PM20D2: variants seen among roughly 807,000 people sequenced by gnomAD.
PM20D2 encodes peptidase M20 domain containing 2.
Under a neutral mutation model 42.9 loss-of-function variants are expected in PM20D2, and 33 were observed. The observed-to-expected ratio is 0.77, with a 90% confidence interval of 0.58 to 1.03. The LOEUF is 1.03. PM20D2 is among the 50% of genes least tolerant of loss of function. PM20D2 has a pLI of 0.00. For synonymous variants in PM20D2, 250 were observed against 228.2 expected (o/e 1.10, Z -0.86); for missense variants, 548 against 557.0 (o/e 0.98, Z 0.16).
intron 5 of PM20D2, among the ~76,000 whole-genome samples, chr6:89,159,809 C>T (rs1476283481): frequency 6.6e-6 from 1 of 152,124 alleles, no homozygotes; most frequent in Non-Finnish European, 1.5e-5. Context: ...CCAGGGACAT[C>T]AGAGTTTCAT....
chr6:89,110,009 T>C, the PM20D2 span, among the ~76,000 whole-genome samples: 2 of 151,988 alleles, frequency 1.3e-5, no homozygotes, highest in African/African-American at 4.8e-5. Context: ...GAGAATGGTG[T>C]GAACCCAGGA....
At chr6:89,121,754 A>G in the PM20D2 span, among the ~76,000 whole-genome samples, 1 of 152,202 alleles carries the variant, frequency 6.6e-6, no homozygotes, top group Non-Finnish European at 1.5e-5. Context: ...TTTTTACATG[A>G]GAGTTTCATA....
chr6:89,105,673 G>GA, the PM20D2 span: 38 of 534,926 alleles, frequency 7.1e-5, no homozygotes, highest in Middle Eastern at 3.8e-4. Context: ...TGAATAATCA[G>GA]AAAAAAAACT....
At chr6:89,134,847 A>T in the PM20D2 span, among the ~76,000 whole-genome samples, 12 of 151,406 alleles carry the variant, frequency 7.9e-5, no homozygotes, top group African/African-American at 2.7e-4. Context: ...GTAATTAGGC[A>T]AAGGGATGGT....
the PM20D2 span, among the ~76,000 whole-genome samples, chr6:89,103,793 T>G: frequency 8.5e-5 from 13 of 152,282 alleles, no homozygotes; most frequent in African/African-American, 3.1e-4. Context: ...TTCACTATTA[T>G]TCTAATAGAA....
In PM20D2 at chr6:89,162,375, C is replaced by A; in HGVS notation, c.*112C>A. 8.9e-7 allele frequency: 1 copy of A among 1,121,200 alleles called. No homozygotes were observed. Among genetic ancestry groups the A allele is most frequent in the Non-Finnish European group, 1.2e-6 (1 of 805,182 alleles). 69.5% of individuals were successfully genotyped at this position (1,121,200 alleles called of 1,614,324 possible). ...TCTTAAAGGAGTAAAATTCTTTTTA[C>A]CTGATAAGTGAGGACAGGGTGTGGA... On this transcript the variant is annotated 3_prime_UTR_variant, in exon 7 of 7. Transcript: ENST00000275072.
the PM20D2 span, among the ~76,000 whole-genome samples, chr6:89,114,154 G>A: frequency 3.9e-5 from 6 of 152,190 alleles, no homozygotes; most frequent in Non-Finnish European, 7.3e-5. Context: ...ACGGCCAGGC[G>A]CAGTGGCTCA....
At chr6:89,142,648 AC>A (rs1450790257), upstream of PM20D2, among the ~76,000 whole-genome samples, 1 of 151,874 alleles carries the variant, frequency 6.6e-6, no homozygotes, top group African/African-American at 2.4e-5. Context: ...CCTTTCCCCC[AC>A]AATTATTATT....
the PM20D2 span, chr6:89,117,731 C>G: frequency 2.3e-6 from 3 of 1,313,374 alleles, no homozygotes; most frequent in Non-Finnish European, 3.0e-6. Context: ...CGCAGCTCCC[C>G]CGAGCCTCCG....
chr6:89,097,032 A>C, the PM20D2 span: 1 of 152,214 alleles, frequency 6.6e-6, no homozygotes, highest in East Asian at 1.9e-4. Flanking sequence ...AATATACATT[A>C]ATTTATGGCA....
Position 89,163,765 on chromosome 6 carries a change from G to A in PM20D2, c.*1502G>A, listed in dbSNP as rs1771323480. The A allele has an allele frequency of 6.6e-6, 1 of 152,096 alleles. No homozygotes were observed. The highest frequency in any genetic ancestry group is 1.5e-5 in the Non-Finnish European group (1 of 68,016). 9.4% of individuals were successfully genotyped at this position (152,096 alleles called of 1,614,324 possible). Reference sequence around the variant, plus strand: ...AGGTGGACCTGCTTGAGGTATCTTTGTTTTTATGGAACATTTTTATTACAT... The same window carrying A: ...AGGTGGACCTGCTTGAGGTATCTTTATTTTTATGGAACATTTTTATTACAT... On this transcript the variant is annotated 3_prime_UTR_variant, in exon 7 of 7. Coordinates refer to ENST00000275072, the MANE Select transcript of PM20D2 (RefSeq NM_001010853.3).
upstream of PM20D2, among the ~76,000 whole-genome samples, chr6:89,145,755 GGTCT>G (rs1770509205): frequency 6.6e-6 from 1 of 152,154 alleles, no homozygotes; most frequent in Non-Finnish European, 1.5e-5. Context: ...TGTTCCACTT[GGTCT>G]GTCTCTGATG....
intron 5 of PM20D2, among the ~76,000 whole-genome samples, chr6:89,161,124 T>C (rs535993960): frequency 2.0e-5 from 3 of 152,278 alleles, no homozygotes; most frequent in East Asian, 1.9e-4. Flanking sequence ...GATTCTGAGA[T>C]ATTTGGCAGG....
rs576650954 is a variant in PM20D2 at position 89,161,785 on chromosome 6, T to G, written c.1051T>G (p.Ser351Ala). 1 of 1,600,454 alleles carries G rather than the reference T, an allele frequency of 6.2e-7. No homozygotes were observed. Among genetic ancestry groups the G allele is most frequent in the African/African-American group, 1.3e-5 (1 of 74,752 alleles). ...TTCTTAACTTTGTGTGTTCCAAGGA[T>G]CTACGGATTTTGGAAATGTTAGTTT... ...EDTMLNGPSG[S>A]TDFGNVSFVV... is the part of the protein sequence containing the mutation. Residue 351 changes from serine to alanine, a missense_variant and splice_region_variant, in exon 6 of 7, where the codon TCT becomes GCT. By Grantham distance (99) the Ser-to-Ala change is moderately conservative. Coordinates refer to ENST00000275072, the MANE Select transcript of PM20D2 (RefSeq NM_001010853.3).
chr6:89,117,724 AGCTCCCCCGAGC>A, the PM20D2 span: 2 of 1,218,908 alleles, frequency 1.6e-6, no homozygotes, highest in South Asian at 3.7e-5. Flanking sequence ...GGCTCCGCGC[AGCTCCCCCGAGC>A]CTCCGCCGGG....
At chr6:89,124,355 A>G in the PM20D2 span, among the ~76,000 whole-genome samples, 45 of 152,252 alleles carry the variant, frequency 3.0e-4, 3 homozygotes, top group Non-Finnish European at 5.9e-5. Context: ...ATAAAACTAA[A>G]TAGTACCACC....
chr6:89,094,752 T>C, the PM20D2 span, among the ~76,000 whole-genome samples: 1 of 151,250 alleles, frequency 6.6e-6, no homozygotes, highest in African/African-American at 2.4e-5. Context: ...TTTGAATGCC[T>C]GTCAGGTACT....
At chr6:89,133,997 C>T in the PM20D2 span, among the ~76,000 whole-genome samples, 1 of 151,340 alleles carries the variant, frequency 6.6e-6, no homozygotes, top group Admixed American at 6.5e-5. Flanking sequence ...GACCTTGACC[C>T]AACGACGGAT....
chr6:89,134,475 G>C, the PM20D2 span, among the ~76,000 whole-genome samples: 5 of 151,000 alleles, frequency 3.3e-5, no homozygotes, highest in African/African-American at 1.2e-4. Context: ...CCTTCAGCTC[G>C]GTCTTTCTTT....
Sources: gnomAD v4.1 joint callset for allele counts (sites outside exome capture counted in the v4.1 genomes callset) on GRCh38, gnomAD v4.1.1 for gene constraint, MANE v1.5 for transcripts, NCBI Gene and HGNC (gene_info 2026-07-23, HGNC 2026-07-21) for gene names.